The following RBFOX2 variants were observed in gnomAD, a reference collection of about 807,000 sequenced individuals.
The protein encoded by RBFOX2 is RNA binding protein fox-1 homolog 2.
In RBFOX2, 10 loss-of-function variants were observed where a neutral mutation model predicts 49.1. The ratio of observed to expected loss-of-function variants is 0.20; its 90% CI spans 0.13 to 0.35. The LOEUF (loss-of-function observed/expected upper bound fraction) is 0.35. RBFOX2 is among the 10% of genes least tolerant of loss of function. The pLI is 1.00. For synonymous variants in RBFOX2, 183 were observed against 187.4 expected (o/e 0.98, Z 0.19); for missense variants, 323 against 486.9 (o/e 0.66, Z 3.17).
chr22:35,791,035 CA>C (rs1237437062), intron 2 of RBFOX2, among the ~76,000 whole-genome samples: 1 of 150,768 alleles, frequency 6.6e-6, no homozygotes, highest in Non-Finnish European at 1.5e-5. Flanking sequence ...CACACACACA[CA>C]AAAAAAGCAA....
chr22:35,878,209 G>A (rs1331653786), intron 1 of RBFOX2, among the ~76,000 whole-genome samples: 2 of 151,778 alleles, frequency 1.3e-5, no homozygotes, highest in South Asian at 2.1e-4. Flanking sequence ...CCAGCCTGGC[G>A]AACACGGTGA....
intron 1 of RBFOX2, among the ~76,000 whole-genome samples, chr22:35,891,900 G>A (rs982422322): frequency 4.6e-5 from 7 of 151,230 alleles, no homozygotes; most frequent in African/African-American, 1.7e-4. Context: ...TCTCCATCAG[G>A]AGGCAACCTT....
chr22:35,798,183 T>C (rs989270773), intron 2 of RBFOX2, among the ~76,000 whole-genome samples: 6 of 152,068 alleles, frequency 3.9e-5, no homozygotes, highest in African/African-American at 1.4e-4. Flanking sequence ...CCATGTTGGT[T>C]AGGCTGGTCT....
At position 36,016,624 on chromosome 22, in the gene RBFOX2, T is replaced by C. The variant is rs546574284; in HGVS notation, c.186+11616A>G. Among the ~76,000 whole-genome samples, 26 of 152,310 alleles carry C rather than the reference T, an allele frequency of 1.7e-4. No homozygotes were observed. In the South Asian group the frequency reaches 4.8e-3, roughly 28 times the overall value. On this transcript the variant is annotated intron_variant, in intron 1 of 13. Coordinates refer to the RBFOX2 transcript ENST00000438146. ...GGAAAAATCCCACACACCAAGGTGT[T>C]ACCTGGGGACCTAAGTCCCTAAGAA... is the stretch of plus-strand genomic sequence containing the variant.
intron 1 of RBFOX2, among the ~76,000 whole-genome samples, chr22:35,889,456 C>A (rs1341233175): frequency 6.6e-6 from 1 of 152,098 alleles, no homozygotes; most frequent in African/African-American, 2.4e-5. Context: ...TAAATTATAA[C>A]ATCCTGTCAA....
chr22:35,875,536 A>G (rs1457217466), intron 1 of RBFOX2, among the ~76,000 whole-genome samples: 1 of 152,024 alleles, frequency 6.6e-6, no homozygotes, highest in Admixed American at 6.6e-5. Flanking sequence ...CTGTACTTAC[A>G]AAAGTAACAT....
chr22:36,028,600 C>A (rs1018198433), exon 1 of RBFOX2, among the ~76,000 whole-genome samples: 3 of 149,288 alleles, frequency 2.0e-5, no homozygotes, highest in African/African-American at 7.3e-5. Flanking sequence ...GGCCGCCGCT[C>A]CTTGCCTGAC....
intron 1 of RBFOX2, among the ~76,000 whole-genome samples, chr22:35,826,130 C>G (rs1450048297): frequency 6.7e-6 from 1 of 149,770 alleles, no homozygotes; most frequent in Non-Finnish European, 1.5e-5. Context: ...TCACTGAGGT[C>G]AGGAGTTCGA....
At chr22:35,764,528 T>C (rs1001488210) in intron 6 of RBFOX2, among the ~76,000 whole-genome samples, 4 of 146,270 alleles carry the variant, frequency 2.7e-5, no homozygotes, top group African/African-American at 7.7e-5. Context: ...GAGCTTGCAG[T>C]GAGCCTTGAT....
At chr22:35,986,738 C>A (rs955545173) in intron 1 of RBFOX2, among the ~76,000 whole-genome samples, 3 of 152,164 alleles carry the variant, frequency 2.0e-5, no homozygotes, top group African/African-American at 7.2e-5. Context: ...AATCCTTACC[C>A]TTTCACCCCA....
At chr22:35,907,653 G>A (rs1469612503) in intron 1 of RBFOX2, among the ~76,000 whole-genome samples, 1 of 151,756 alleles carries the variant, frequency 6.6e-6, no homozygotes, top group Non-Finnish European at 1.5e-5. Flanking sequence ...ATCAAAACTC[G>A]ATTTTTTTTT....
chr22:35,937,369 T>C (rs995940508), intron 1 of RBFOX2, among the ~76,000 whole-genome samples: 33 of 152,270 alleles, frequency 2.2e-4, no homozygotes, highest in African/African-American at 7.5e-4. Context: ...TACCAAAAGC[T>C]TCCATCTTCA....
intron 1 of RBFOX2, among the ~76,000 whole-genome samples, chr22:35,932,277 T>C (rs1479133541): frequency 6.6e-6 from 1 of 151,102 alleles, no homozygotes; most frequent in Admixed American, 6.6e-5. Context: ...AAAATTTGAC[T>C]AAAATAAAGT....
chr22:35,764,068 A>G (rs1412157217), intron 6 of RBFOX2, among the ~76,000 whole-genome samples: 1 of 152,184 alleles, frequency 6.6e-6, no homozygotes, highest in Non-Finnish European at 1.5e-5. Flanking sequence ...AGCAGTGAAA[A>G]GAAAATAAGA....
intron 1 of RBFOX2, among the ~76,000 whole-genome samples, chr22:35,864,032 G>A (rs1295853012): frequency 6.6e-6 from 1 of 152,112 alleles, no homozygotes; most frequent in Non-Finnish European, 1.5e-5. Context: ...AGCATTACAT[G>A]ATTTTCATTA....
intron 1 of RBFOX2, among the ~76,000 whole-genome samples, chr22:35,980,850 G>C (rs1364473120): frequency 1.3e-5 from 2 of 152,154 alleles, no homozygotes; most frequent in Non-Finnish European, 2.9e-5. Flanking sequence ...CTCAGGAAAG[G>C]CTTCCTTGAA....
chr22:35,982,162 T>C (rs1459491958), intron 1 of RBFOX2, among the ~76,000 whole-genome samples: 1 of 152,142 alleles, frequency 6.6e-6, no homozygotes. Flanking sequence ...GATAATCTGA[T>C]GCTAGGAGCA....
chr22:36,011,475 T>C (rs922167570), intron 1 of RBFOX2, among the ~76,000 whole-genome samples: 13 of 152,038 alleles, frequency 8.6e-5, no homozygotes, highest in East Asian at 1.9e-4. Context: ...TCCAGAAAGC[T>C]AATAAATAGA....
chr22:35,931,419 C>T (rs1231236825), intron 1 of RBFOX2, among the ~76,000 whole-genome samples: 6 of 151,686 alleles, frequency 4.0e-5, no homozygotes, highest in Non-Finnish European at 5.9e-5. Context: ...CAGTCTCCAG[C>T]TGGGGGGCCT....
Sources: gnomAD v4.1 joint callset for allele counts (sites outside exome capture counted in the v4.1 genomes callset) on GRCh38, gnomAD v4.1.1 for gene constraint, MANE v1.5 for transcripts, NCBI Gene and HGNC (gene_info 2026-07-23, HGNC 2026-07-21) for gene names.